The following JPH1 variants were observed in gnomAD, a reference collection of about 807,000 sequenced individuals.
JPH1 encodes junctophilin-1.
In JPH1, 12 loss-of-function variants were observed where a neutral mutation model predicts 53.6. That is an observed-to-expected ratio of 0.22 (90% confidence interval 0.14 to 0.36). The LOEUF is 0.36. JPH1 is among the 10% of genes least tolerant of loss of function. JPH1 has a pLI of 1.00. For synonymous variants in JPH1, 375 were observed against 363.8 expected, an observed-to-expected ratio of 1.03 and a Z score of -0.35; for missense variants, 808 against 905.5, an observed-to-expected ratio of 0.89 and a Z score of 1.38.
chr8:74,238,771 C>T (rs767150387), intron 4 of JPH1, among the ~76,000 whole-genome samples: 1 of 152,214 alleles, frequency 6.6e-6, no homozygotes, highest in Admixed American at 6.5e-5. Context: ...TATCCTACCA[C>T]TTCAGCTTCC....
At chr8:74,247,740 G>T (rs1313050815) in intron 3 of JPH1, among the ~76,000 whole-genome samples, 1 of 152,100 alleles carries the variant, frequency 6.6e-6, no homozygotes, top group Non-Finnish European at 1.5e-5. Flanking sequence ...TTAAATCTTT[G>T]TGATGCCCTC....
chr8:74,252,629 T>C (rs1361497134), intron 3 of JPH1, among the ~76,000 whole-genome samples: 2 of 152,058 alleles, frequency 1.3e-5, no homozygotes, highest in East Asian at 3.9e-4. Context: ...GACCCATCAG[T>C]GTGCTGTATT....
intron 2 of JPH1, among the ~76,000 whole-genome samples, chr8:74,285,790 A>AT (rs1807148058): frequency 6.6e-6 from 1 of 152,246 alleles, no homozygotes; most frequent in African/African-American, 2.4e-5. Flanking sequence ...AAAGTTTTGG[A>AT]TAGCAATTAT....
intron 2 of JPH1, among the ~76,000 whole-genome samples, chr8:74,272,846 C>T (rs535367869): frequency 2.0e-5 from 3 of 152,092 alleles, no homozygotes; most frequent in Admixed American, 6.5e-5. Flanking sequence ...CCTCGTGATC[C>T]GCCCGTCTCG....
chr8:74,241,076 A>G (rs1236793389), intron 4 of JPH1, among the ~76,000 whole-genome samples: 2 of 152,036 alleles, frequency 1.3e-5, no homozygotes, highest in African/African-American at 4.8e-5. Flanking sequence ...GCACGCATAC[A>G]CACACACACA....
chr8:74,266,734 T>C (rs1272088828), intron 2 of JPH1, among the ~76,000 whole-genome samples: 2 of 152,218 alleles, frequency 1.3e-5, no homozygotes, highest in Non-Finnish European at 2.9e-5. Context: ...CCTAATGTAC[T>C]ACTATTTACA....
At chr8:74,279,608 G>A (rs1337731566) in intron 2 of JPH1, among the ~76,000 whole-genome samples, 1 of 152,150 alleles carries the variant, frequency 6.6e-6, no homozygotes, top group Non-Finnish European at 1.5e-5. Flanking sequence ...ATCTACCTGT[G>A]ATATATTCGT....
Position 74,320,833 on chromosome 8 carries a change from C to T in JPH1, c.379+76G>A. ...CCGGACACGTGCGCCCGGCGTCCTC[C>T]CCGCTTCCCCGCAGCCGGGGCAGAG... is the stretch of plus-strand genomic sequence containing the variant. On this transcript the variant is annotated intron_variant, in intron 1 of 5. Coordinates refer to ENST00000342232, the MANE Select transcript of JPH1 (RefSeq NM_020647.4). The surrounding 1 kb of genome is among the most constrained non-coding windows in gnomAD (Gnocchi z 4.4). 2 of 1,412,992 alleles carry T rather than the reference C, an allele frequency of 1.4e-6. No individual in the cohort carries two copies. Among genetic ancestry groups the T allele is most frequent in the Admixed American group, 3.1e-5 (1 of 32,414 alleles). The allele number at this position is 1,412,992 out of a possible 1,614,324, so 87.5% of individuals were successfully genotyped here. A position where few individuals can be genotyped will look rare whatever the true frequency, so the allele number is the denominator to read the frequency against.
chr8:74,307,470 A>C (rs578044188), intron 2 of JPH1, among the ~76,000 whole-genome samples: 1 of 152,256 alleles, frequency 6.6e-6, no homozygotes, highest in Non-Finnish European at 1.5e-5. Context: ...CAACAGTTGC[A>C]AAGAGTGACA....
chr8:74,310,451 A>G (rs1264931194), intron 2 of JPH1, among the ~76,000 whole-genome samples: 1 of 152,198 alleles, frequency 6.6e-6, no homozygotes, highest in Non-Finnish European at 1.5e-5. Context: ...TCAGCAAATT[A>G]TAAGTATCCC....
chr8:74,285,294 C>A (rs1178546008), intron 2 of JPH1, among the ~76,000 whole-genome samples: 2 of 152,044 alleles, frequency 1.3e-5, no homozygotes, highest in African/African-American at 2.4e-5. Flanking sequence ...AATACTATAT[C>A]TACTTTATGA....
chr8:74,282,617 T>C (rs1807044956), intron 2 of JPH1, among the ~76,000 whole-genome samples: 1 of 152,078 alleles, frequency 6.6e-6, no homozygotes, highest in African/African-American at 2.4e-5. Flanking sequence ...GTTAATCTCA[T>C]AGAAGTAGAG....
intron 4 of JPH1, among the ~76,000 whole-genome samples, chr8:74,238,581 A>T (rs1323075177): frequency 1.3e-5 from 2 of 152,200 alleles, no homozygotes; most frequent in Admixed American, 6.5e-5. Context: ...CAGACACGTG[A>T]CATTGCCCAA....
At chr8:74,273,493 A>T (rs1267332347) in intron 2 of JPH1, among the ~76,000 whole-genome samples, 1 of 152,204 alleles carries the variant, frequency 6.6e-6, no homozygotes, top group Non-Finnish European at 1.5e-5. Flanking sequence ...GGGAATGAAT[A>T]ATTTAACCAA....
chr8:74,279,520 T>C (rs1806947673), intron 2 of JPH1, among the ~76,000 whole-genome samples: 1 of 152,066 alleles, frequency 6.6e-6, no homozygotes, highest in Non-Finnish European at 1.5e-5. Context: ...ATGGGTGGAG[T>C]AGCAGCTCTG....
At chr8:74,277,415 A>G (rs2131414698) in intron 2 of JPH1, among the ~76,000 whole-genome samples, 1 of 152,368 alleles carries the variant, frequency 6.6e-6, no homozygotes, top group Middle Eastern at 3.4e-3. Context: ...ATGGAATTTT[A>G]GTCTCCCTGG....
rs138728132 is a variant in JPH1 at position 74,275,431 on chromosome 8, G to A, written c.1140-15928C>T. On this transcript the variant is annotated intron_variant, in intron 2 of 5. Transcript: ENST00000342232. ...ACCCTTAGTGCTCTGAGCTTTCAGA[G>A]AGCGAATTCCAGATTTCAATAAACA... Among the ~76,000 whole-genome samples the A allele has an allele frequency of 2.1e-3, 316 of 152,314 alleles. 3 individuals are homozygous for A. Among genetic ancestry groups the A allele is most frequent in the African/African-American group, 7.2e-3 (298 of 41,564 alleles).
Position 74,244,618 on chromosome 8 carries a change from C to T in JPH1, c.1816G>A (p.Glu606Lys). 1.2e-6 allele frequency: 2 copies of T among 1,614,218 alleles called. No homozygotes were observed. Among genetic ancestry groups the T allele is most frequent in the South Asian group, 1.1e-5 (1 of 91,082 alleles). ...TKPVAKESKA[E>K]PKAKKSELAI... ...AGTTCAGACTTCTTAGCTTTTGGCTCAGCTTTGCTTTCTTTGGCAACTGGT... is the reference window on the plus strand; with the variant it reads ...AGTTCAGACTTCTTAGCTTTTGGCTTAGCTTTGCTTTCTTTGGCAACTGGT... Residue 606 changes from glutamate to lysine, a missense_variant, in exon 4 of 6, where the codon GAG becomes AAG. By Grantham distance (56) the Glu-to-Lys change is moderately conservative. This residue lies in a region of JPH1 where 756 missense variants were observed against 811.9 expected (regional missense o/e 0.93). Transcript: ENST00000342232.
chr8:74,266,048 A>G (rs1337218194), intron 2 of JPH1, among the ~76,000 whole-genome samples: 1 of 152,126 alleles, frequency 6.6e-6, no homozygotes, highest in African/African-American at 2.4e-5. Context: ...AGCTACTGTT[A>G]AAACAGTATG....
Sources: gnomAD v4.1 joint callset for allele counts (sites outside exome capture counted in the v4.1 genomes callset) on GRCh38, gnomAD v4.1.1 for gene constraint, gnomAD v4.1.1 regional missense constraint, Gnocchi (gnomAD v3.1) non-coding constraint, MANE v1.5 for transcripts, NCBI Gene and HGNC (gene_info 2026-07-23, HGNC 2026-07-21) for gene names.